Variants in EGFLAM observed in about 807,000 individuals in gnomAD.
EGFLAM encodes EGF like, fibronectin type III and laminin G domains.
In EGFLAM, 79 loss-of-function variants were observed where a neutral mutation model predicts 113.1. The observed-to-expected ratio is 0.70, with a 90% CI of 0.58 to 0.84. The LOEUF (loss-of-function observed/expected upper bound fraction) is 0.84, where lower values mean the gene tolerates loss of function less well. Among genes scored for constraint, EGFLAM ranks in the 40% least tolerant of loss-of-function variants. The pLI, the probability that EGFLAM is intolerant of heterozygous loss-of-function variation, is 0.00. For synonymous variants in EGFLAM, 504 were observed against 487.6 expected (o/e 1.03, Z -0.44); for missense variants, 1,265 against 1,291.6 (o/e 0.98, Z 0.32).
chr5:38,266,802 T>C (rs1299443227), intron 1 of EGFLAM, among the ~76,000 whole-genome samples: 1 of 152,192 alleles, frequency 6.6e-6, no homozygotes, highest in Non-Finnish European at 1.5e-5. Context: ...TTATCCAAAC[T>C]GATATGTTAC....
intron 1 of EGFLAM, among the ~76,000 whole-genome samples, chr5:38,336,739 A>G (rs1739196940): frequency 6.6e-6 from 1 of 152,156 alleles, no homozygotes. Context: ...GAGATGCTCA[A>G]CAGCTAAGTA....
chr5:38,299,876 T>C (rs34424020), intron 1 of EGFLAM, among the ~76,000 whole-genome samples: 2 of 152,122 alleles, frequency 1.3e-5, no homozygotes, highest in Non-Finnish European at 2.9e-5. Context: ...GCATGTATTA[T>C]GTGCTGGGCA....
At chr5:38,453,161 C>T (rs371029546) in intron 19 of EGFLAM, among the ~76,000 whole-genome samples, 2 of 152,182 alleles carry the variant, frequency 1.3e-5, no homozygotes, top group Non-Finnish European at 1.5e-5. Flanking sequence ...TCCAGCAATC[C>T]GTGTGGTAAC....
chr5:38,292,515 T>C (rs1037881145), intron 1 of EGFLAM, among the ~76,000 whole-genome samples: 2 of 152,208 alleles, frequency 1.3e-5, no homozygotes, highest in Non-Finnish European at 2.9e-5. Context: ...CATTTGTTAA[T>C]CACATGTGTT....
chr5:38,427,860 AGTACTTGCTG>A (rs1254045813), intron 14 of EGFLAM, among the ~76,000 whole-genome samples: 1 of 152,236 alleles, frequency 6.6e-6, no homozygotes, highest in African/African-American at 2.4e-5. Flanking sequence ...GTGCTTCTGC[AGTACTTGCTG>A]GTATTTGCAG....
intron 1 of EGFLAM, among the ~76,000 whole-genome samples, chr5:38,306,166 A>G (rs1427620845): frequency 1.3e-5 from 2 of 152,248 alleles, no homozygotes; most frequent in Non-Finnish European, 2.9e-5. Context: ...TGAGCAGTCT[A>G]ATAAATGATT....
At chr5:38,303,331 A>T (rs1473867905) in intron 1 of EGFLAM, among the ~76,000 whole-genome samples, 1 of 152,244 alleles carries the variant, frequency 6.6e-6, no homozygotes, top group African/African-American at 2.4e-5. Flanking sequence ...GACAATGGTA[A>T]TTACAAGAAC....
intron 14 of EGFLAM, among the ~76,000 whole-genome samples, chr5:38,429,497 C>T (rs984164560): frequency 6.6e-6 from 1 of 152,150 alleles, no homozygotes; most frequent in African/African-American, 2.4e-5. Context: ...TCAGCGAGGG[C>T]CAGGAACTAG....
At chr5:38,321,618 G>A (rs775147485) in intron 1 of EGFLAM, among the ~76,000 whole-genome samples, 35 of 152,114 alleles carry the variant, frequency 2.3e-4, no homozygotes, top group African/African-American at 4.8e-4. Context: ...TGTCTCCAGC[G>A]GCTCTTGATC....
intron 1 of EGFLAM, among the ~76,000 whole-genome samples, chr5:38,311,852 C>T (rs1738453140): frequency 6.6e-6 from 1 of 152,108 alleles, no homozygotes; most frequent in Non-Finnish European, 1.5e-5. Flanking sequence ...ACAAACTGAG[C>T]AATGAGGCTC....
intron 19 of EGFLAM, among the ~76,000 whole-genome samples, chr5:38,454,628 C>T (rs1020974816): frequency 1.3e-5 from 2 of 152,156 alleles, no homozygotes; most frequent in Non-Finnish European, 2.9e-5. Flanking sequence ...TAATAAGTCA[C>T]GGGCCCTGCG....
intron 3 of EGFLAM, 32 bp from the exon 4 acceptor site, chr5:38,350,469 T>C (rs746827692): frequency 2.5e-6 from 4 of 1,602,730 alleles, no homozygotes; most frequent in Non-Finnish European, 8.5e-7. Flanking sequence ...ATGTACTGAT[T>C]GTTAGCATCT....
intron 1 of EGFLAM, among the ~76,000 whole-genome samples, chr5:38,297,826 C>T (rs1208278945): frequency 6.6e-6 from 1 of 152,176 alleles, no homozygotes; most frequent in African/African-American, 2.4e-5. Context: ...CTCTGAAAAC[C>T]TCTCACCAAA....
chr5:38,451,173 G>T, intron 18 of EGFLAM, 142 bp from the exon 19 acceptor site: 1 of 1,122,802 alleles, frequency 8.9e-7, no homozygotes, highest in Non-Finnish European at 1.3e-6. Context: ...CCCGTGGTGC[G>T]ACTCGTGGTA....
At chr5:38,267,229 G>C (rs1450212317) in intron 1 of EGFLAM, among the ~76,000 whole-genome samples, 1 of 152,074 alleles carries the variant, frequency 6.6e-6, no homozygotes, top group East Asian at 1.9e-4. Flanking sequence ...TGCTGACAGG[G>C]CACCCAAAAT....
At chr5:38,411,503 T>TG (rs1741478340) in intron 10 of EGFLAM, among the ~76,000 whole-genome samples, 1 of 131,638 alleles carries the variant, frequency 7.6e-6, no homozygotes. Context: ...TTTTTTTTTT[T>TG]TGAGACAGAG....
chr5:38,415,247 T>C (rs76525306), intron 11 of EGFLAM, among the ~76,000 whole-genome samples: 23,162 of 151,412 alleles, frequency 0.15, 1,871 homozygotes, highest in East Asian at 0.25. Context: ...CCTGTAATCC[T>C]AGCTACTCAG....
chr5:38,355,223 G>C (rs1273594524), intron 5 of EGFLAM, among the ~76,000 whole-genome samples: 2 of 152,210 alleles, frequency 1.3e-5, no homozygotes, highest in East Asian at 3.8e-4. Flanking sequence ...AGATCTCTCT[G>C]AAACCCACAG....
At chr5:38,347,009 C>T (rs1426251026) in intron 3 of EGFLAM, among the ~76,000 whole-genome samples, 4 of 151,964 alleles carry the variant, frequency 2.6e-5, no homozygotes, top group Non-Finnish European at 4.4e-5. Context: ...GGCAAAGAGT[C>T]AAAGGGGCCG....
Sources: gnomAD v4.1 joint callset for allele counts (sites outside exome capture counted in the v4.1 genomes callset) on GRCh38, gnomAD v4.1.1 for gene constraint, MANE v1.5 for transcripts, NCBI Gene and HGNC (gene_info 2026-07-23, HGNC 2026-07-21) for gene names.